Variants in KIRREL3 observed in about 807,000 individuals in gnomAD.
KIRREL3 encodes the protein kirre like nephrin family adhesion molecule 3.
In KIRREL3, 36 loss-of-function variants were observed where a neutral mutation model predicts 89.7. That is an observed-to-expected ratio of 0.40 (90% CI 0.31 to 0.53). The LOEUF (loss-of-function observed/expected upper bound fraction) is 0.53. Ranked by LOEUF, KIRREL3 falls within the 20% of genes least tolerant of loss-of-function variation. The pLI is 0.49. For synonymous variants in KIRREL3, 445 were observed against 441.4 expected, an observed-to-expected ratio of 1.01 and a Z score of -0.10; for missense variants, 864 against 1,056.6, an observed-to-expected ratio of 0.82 and a Z score of 2.53.
At chr11:126,436,790 C>T (rs1284139288) in intron 12 of KIRREL3, 21 bp downstream of exon 12, 1 of 1,612,914 alleles carries the variant, frequency 6.2e-7, no homozygotes, top group Non-Finnish European at 8.5e-7. Context: ...GTTGTTCCCT[C>T]ATGGCCCTGG....
chr11:126,834,933 A>G (rs1157742555), intron 1 of KIRREL3, among the ~76,000 whole-genome samples: 1 of 152,252 alleles, frequency 6.6e-6, no homozygotes, highest in Non-Finnish European at 1.5e-5. Flanking sequence ...ACGTGCCAAC[A>G]AACACAGGAC....
At chr11:126,446,950 G>C in intron 8 of KIRREL3, 64 bp from the exon 9 acceptor site, 1 of 1,561,802 alleles carries the variant, frequency 6.4e-7, no homozygotes, top group Non-Finnish European at 8.7e-7. Flanking sequence ...CCTCCTTGCT[G>C]CTGCCTCCTT....
chr11:126,511,408 C>G (rs1431570061), intron 4 of KIRREL3, among the ~76,000 whole-genome samples: 1 of 152,160 alleles, frequency 6.6e-6, no homozygotes, highest in Admixed American at 6.5e-5. Context: ...CCAAACACCT[C>G]TCTCCACTGG....
chr11:126,539,121 T>G (rs1469643019), intron 2 of KIRREL3, among the ~76,000 whole-genome samples: 1 of 152,234 alleles, frequency 6.6e-6, no homozygotes, highest in African/African-American at 2.4e-5. Flanking sequence ...TTAGTCCCTC[T>G]GAGCCTCAGT....
Position 126,527,895 on chromosome 11 carries a change from C to T in KIRREL3, c.134-1208G>A, listed in dbSNP as rs1304434678. On this transcript the variant is annotated intron_variant, in intron 2 of 16. Transcript: ENST00000525144. The surrounding 1 kb of genome is among the most constrained non-coding windows in gnomAD (Gnocchi z 4.2). ...AAGAGGTGTGATGTGATCTGTGTCT[C>T]CTGGGAGTCCACAGTTGAGTGGACA... 6.6e-6 allele frequency among the ~76,000 whole-genome samples: 1 copy of T among 152,162 alleles called. No homozygotes were observed. The highest frequency in any genetic ancestry group is 1.5e-5 in the Non-Finnish European group (1 of 68,044).
chr11:126,967,817 A>AGT lies in KIRREL3; in HGVS notation c.55+32637_55+32638insAC, dbSNP rs1565464320. 6.8e-4 allele frequency among the ~76,000 whole-genome samples: 104 copies of AGT among 151,900 alleles called. 1 individual carries two copies. Among genetic ancestry groups the AGT allele is most frequent in the African/African-American group, 2.4e-3 (100 of 41,418 alleles). Reference sequence around the variant, plus strand: ...ATATTTTTGCTTGTCGCAGCTGGGGAGGGGGCTTGCTACAGGCACATACTG... The same window carrying AGT: ...ATATTTTTGCTTGTCGCAGCTGGGGAGTGGGGGCTTGCTACAGGCACATACTG... On this transcript the variant is annotated intron_variant, in intron 1 of 16. Coordinates refer to ENST00000525144, the MANE Select transcript of KIRREL3 (RefSeq NM_032531.4).
In KIRREL3 at chr11:126,563,581, T is replaced by G. The variant is rs1940293224; in HGVS notation, c.56-669A>C. Among the ~76,000 whole-genome samples the G allele has an allele frequency of 6.6e-6, 1 of 152,116 alleles. No individual in the cohort carries two copies. The highest frequency in any genetic ancestry group is 2.1e-4 in the South Asian group (1 of 4,816). On this transcript the variant is annotated intron_variant, in intron 1 of 16. Transcript: ENST00000525144. This position sits in a 1 kb window ranked among gnomAD's most constrained non-coding sequence, Gnocchi z 6.8. Reference sequence around the variant, plus strand: ...CATCAAGCACTTATGAAATGTAGACTTAGAGCACAGGGGTCGAGATAGCTG... The same window carrying G: ...CATCAAGCACTTATGAAATGTAGACGTAGAGCACAGGGGTCGAGATAGCTG...
rs1359543583 is a variant in KIRREL3, at chr11:126,432,982, G to C, written c.1589-1456C>G. Among the ~76,000 whole-genome samples the C allele has an allele frequency of 1.3e-5, 2 of 152,192 alleles. No individual in the cohort carries two copies. The highest frequency in any genetic ancestry group is 4.8e-5 in the African/African-American group (2 of 41,444). On this transcript the variant is annotated intron_variant, in intron 13 of 16. Coordinates refer to ENST00000525144, the MANE Select transcript of KIRREL3 (RefSeq NM_032531.4). The surrounding 1 kb of genome is among the most constrained non-coding windows in gnomAD (Gnocchi z 6.2). ...CAACCTCCGCCTCCTGGGTTCAAGC[G>C]ATTCTCCTGCCTCAGTCTCCCGAAT...
chr11:126,713,055 A>G (rs1947824771), intron 1 of KIRREL3, among the ~76,000 whole-genome samples: 1 of 152,188 alleles, frequency 6.6e-6, no homozygotes, highest in Non-Finnish European at 1.5e-5. Flanking sequence ...AGTGGCAGAT[A>G]GGTAAATAGC....
chr11:126,557,774 A>C lies in KIRREL3; in HGVS notation c.133+5061T>G, dbSNP rs543471048. On this transcript the variant is annotated intron_variant, in intron 2 of 16. Coordinates refer to ENST00000525144, the MANE Select transcript of KIRREL3 (RefSeq NM_032531.4). This position sits in a 1 kb window ranked among gnomAD's most constrained non-coding sequence, Gnocchi z 5.6. ...CCCTGTAAGGCTGGGAAGTGAGGACAGGTGCTGTGGGGGAGGGGCATTTGC... is the reference window on the plus strand; with the variant it reads ...CCCTGTAAGGCTGGGAAGTGAGGACCGGTGCTGTGGGGGAGGGGCATTTGC... Among the ~76,000 whole-genome samples the C allele has an allele frequency of 6.6e-6, 1 of 152,334 alleles. No homozygotes were observed. The highest frequency in any genetic ancestry group is 6.5e-5 in the Admixed American group (1 of 15,300).
At position 126,729,797 on chromosome 11, in the gene KIRREL3, C is replaced by A. The variant is rs114897568; in HGVS notation, c.56-166885G>T. Reference sequence around the variant, plus strand: ...TCCAGAAGCACAATGGAGGGAGCCCCTGATCATAATCACTAAGAGCACACC... The same window carrying A: ...TCCAGAAGCACAATGGAGGGAGCCCATGATCATAATCACTAAGAGCACACC... On this transcript the variant is annotated intron_variant, in intron 1 of 16. Transcript: ENST00000525144. This position sits in a 1 kb window ranked among gnomAD's most constrained non-coding sequence, Gnocchi z 4.5. Among the ~76,000 whole-genome samples, 1,825 of 152,274 alleles carry A rather than the reference C, an allele frequency of 0.012. 38 individuals carry two copies. The highest frequency in any genetic ancestry group is 0.041 in the African/African-American group (1,712 of 41,532).
At position 126,715,102 on chromosome 11, in the gene KIRREL3, T is replaced by A. The variant is rs572049574; in HGVS notation, c.56-152190A>T. ...ATGATCAGGTTCTTGTGCAAGCCTG[T>A]GACACTTTCACCTTGTGACAATGCC... On this transcript the variant is annotated intron_variant, in intron 1 of 16. Transcript: ENST00000525144. This position sits in a 1 kb window ranked among gnomAD's most constrained non-coding sequence, Gnocchi z 4.4. 3.3e-4 allele frequency among the ~76,000 whole-genome samples: 50 copies of A among 152,330 alleles called. No homozygotes were observed. Among genetic ancestry groups the A allele is most frequent in the African/African-American group, 1.2e-3 (50 of 41,564 alleles).
At chr11:126,921,013 C>G (rs1325898317) in intron 1 of KIRREL3, among the ~76,000 whole-genome samples, 6 of 152,204 alleles carry the variant, frequency 3.9e-5, no homozygotes, top group Non-Finnish European at 8.8e-5. Flanking sequence ...GAGACTGGCA[C>G]TTGCATCTCT....
chr11:126,702,438 C>T (rs117181091), intron 1 of KIRREL3, among the ~76,000 whole-genome samples: 73 of 151,850 alleles, frequency 4.8e-4, no homozygotes, highest in Non-Finnish European at 8.2e-4. Context: ...ACACTGTTCC[C>T]ATTACTCAAA....
chr11:126,596,236 C>T (rs1304888480), intron 1 of KIRREL3, among the ~76,000 whole-genome samples: 1 of 152,172 alleles, frequency 6.6e-6, no homozygotes, highest in African/African-American at 2.4e-5. Flanking sequence ...CAAGAATGTT[C>T]TGTTCACTGC....
intron 1 of KIRREL3, among the ~76,000 whole-genome samples, chr11:126,804,057 C>T (rs1483599744): frequency 6.6e-6 from 1 of 152,134 alleles, no homozygotes; most frequent in African/African-American, 2.4e-5. Context: ...AGTATGTAGG[C>T]ATGCATGTTT....
chr11:126,716,567 T>C lies in KIRREL3; in HGVS notation c.56-153655A>G, dbSNP rs188875152. Among the ~76,000 whole-genome samples the C allele has an allele frequency of 1.1e-3, 172 of 152,104 alleles. 1 individual carries two copies. Among genetic ancestry groups the C allele is most frequent in the African/African-American group, 4.0e-3 (166 of 41,468 alleles). On this transcript the variant is annotated intron_variant, in intron 1 of 16. Coordinates refer to ENST00000525144, the MANE Select transcript of KIRREL3 (RefSeq NM_032531.4). ...TATGGATCTCTAGCTCCCATCTAAG[T>C]GATACTGATGGAGCACAGAAGATTC...
At chr11:126,974,859 C>G (rs1321564605) in intron 1 of KIRREL3, among the ~76,000 whole-genome samples, 1 of 152,130 alleles carries the variant, frequency 6.6e-6, no homozygotes. Flanking sequence ...GTGTGCACCA[C>G]CATGCCTGGC....
Position 126,954,144 on chromosome 11 carries a change from G to T in KIRREL3, c.55+46311C>A, listed in dbSNP as rs530071664. On this transcript the variant is annotated intron_variant, in intron 1 of 16. Transcript: ENST00000525144. This position sits in a 1 kb window ranked among gnomAD's most constrained non-coding sequence, Gnocchi z 4.1. ...CTTGAGATTTCCAAATGAGTGAGGT[G>T]GGGGGTGGTATTGAGGTATTGAGGT... Among the ~76,000 whole-genome samples, 7 of 152,008 alleles carry T rather than the reference G, an allele frequency of 4.6e-5. No homozygotes were observed. In the East Asian group the frequency reaches 1.2e-3, roughly 25 times the overall value.
Sources: gnomAD v4.1 joint callset for allele counts (sites outside exome capture counted in the v4.1 genomes callset) on GRCh38, gnomAD v4.1.1 for gene constraint, Gnocchi (gnomAD v3.1) non-coding constraint, MANE v1.5 for transcripts, NCBI Gene and HGNC (gene_info 2026-07-23, HGNC 2026-07-21) for gene names.